Variants in PLEKHG1 observed in about 807,000 individuals in gnomAD.
The protein encoded by PLEKHG1 is pleckstrin homology domain-containing family G member 1.
In PLEKHG1, 44 loss-of-function variants were observed where a neutral mutation model predicts 100.8. The observed-to-expected ratio is 0.44, with a 90% confidence interval of 0.34 to 0.56. The LOEUF (loss-of-function observed/expected upper bound fraction) is 0.56, where lower values mean the gene tolerates loss of function less well. Among genes scored for constraint, PLEKHG1 ranks in the 20% least tolerant of loss-of-function variants. The pLI, the probability that PLEKHG1 is intolerant of heterozygous loss-of-function variation, is 0.01. For missense variants in PLEKHG1, 1,545 were observed against 1,720.9 expected (o/e 0.90, Z 1.81); for synonymous variants, 640 against 662.5 (o/e 0.97, Z 0.52).
chr6:150,717,288 C>T (rs936809254), upstream of PLEKHG1, among the ~76,000 whole-genome samples: 4 of 152,074 alleles, frequency 2.6e-5, no homozygotes, highest in African/African-American at 4.8e-5. Flanking sequence ...AATCCGCCCA[C>T]CTCAGCCTCC....
At chr6:150,653,011 C>T (rs1473217181) in intron 3 of PLEKHG1, among the ~76,000 whole-genome samples, 3 of 152,124 alleles carry the variant, frequency 2.0e-5, no homozygotes, top group Non-Finnish European at 4.4e-5. Flanking sequence ...ACTGGTAAAA[C>T]AATGGTTTTC....
At position 150,754,523 on chromosome 6, in the gene PLEKHG1, C is replaced by G. The variant is rs1173354511; in HGVS notation, c.412-14115C>G. On this transcript the variant is annotated intron_variant, in intron 2 of 15. Transcript: ENST00000358517. ...CAGTAGTCCAGGTGAGAGATGAGAA[C>G]AAGGTCAAGGCAGCGATGAGAGAGA... is the stretch of plus-strand genomic sequence containing the variant. 4.6e-5 allele frequency among the ~76,000 whole-genome samples: 7 copies of G among 151,956 alleles called. No individual in the cohort carries two copies. In the South Asian group the frequency reaches 1.5e-3, roughly 32 times the overall value.
chr6:150,822,526 C>A (rs1477199636), intron 13 of PLEKHG1, among the ~76,000 whole-genome samples: 1 of 152,140 alleles, frequency 6.6e-6, no homozygotes, highest in Admixed American at 6.6e-5. Flanking sequence ...TATAAAAATG[C>A]CCATGCAGTT....
chr6:150,716,083 G>A (rs1399767413), intron 3 of PLEKHG1, among the ~76,000 whole-genome samples: 1 of 139,226 alleles, frequency 7.2e-6, no homozygotes, highest in Non-Finnish European at 1.5e-5. Flanking sequence ...ACTCCAGCCT[G>A]GGCGACAGAG....
At chr6:150,745,664 C>T (rs1228109747) in intron 2 of PLEKHG1, among the ~76,000 whole-genome samples, 7 of 143,810 alleles carry the variant, frequency 4.9e-5, no homozygotes, top group Non-Finnish European at 7.5e-5. Context: ...GCCTGGGTGA[C>T]AGAGCGAGAC....
chr6:150,779,186 G>C (rs968301550), intron 3 of PLEKHG1, among the ~76,000 whole-genome samples: 1 of 151,984 alleles, frequency 6.6e-6, no homozygotes, highest in Non-Finnish European at 1.5e-5. Context: ...TGGTTCTTGA[G>C]TGCCAGGCAT....
intron 7 of PLEKHG1, among the ~76,000 whole-genome samples, chr6:150,806,157 G>A (rs1171011067): frequency 6.7e-6 from 1 of 149,506 alleles, no homozygotes; most frequent in Non-Finnish European, 1.5e-5. Flanking sequence ...TAGGCAGCCA[G>A]AGTGTGGTGT....
chr6:150,723,366 C>T (rs1418591444), intron 1 of PLEKHG1, among the ~76,000 whole-genome samples: 4 of 152,130 alleles, frequency 2.6e-5, no homozygotes, highest in African/African-American at 9.7e-5. Flanking sequence ...TATATGCATT[C>T]CTGTGCACAC....
intron 3 of PLEKHG1, among the ~76,000 whole-genome samples, chr6:150,677,314 A>ACACACACACG (rs1779795457): frequency 6.8e-6 from 1 of 147,340 alleles, no homozygotes; most frequent in Non-Finnish European, 1.5e-5. Flanking sequence ...GCGCGCGCGC[A>ACACACACACG]CACACACCAC....
intron 2 of PLEKHG1, among the ~76,000 whole-genome samples, chr6:150,736,201 C>T (rs1181373368): frequency 6.6e-6 from 1 of 152,166 alleles, no homozygotes; most frequent in East Asian, 1.9e-4. Flanking sequence ...TCTCGTTTGA[C>T]CCAACGGCCA....
At chr6:150,765,804 G>A (rs1397893427) in intron 2 of PLEKHG1, among the ~76,000 whole-genome samples, 1 of 152,142 alleles carries the variant, frequency 6.6e-6, no homozygotes, top group African/African-American at 2.4e-5. Context: ...GATGTACAAA[G>A]TACAAGCACA....
chr6:150,703,321 G>A lies in PLEKHG1; in HGVS notation c.-98-30263G>A, dbSNP rs143290865. Among the ~76,000 whole-genome samples, 526 of 152,196 alleles carry A rather than the reference G, an allele frequency of 3.5e-3. 3 individuals are homozygous for A. The highest frequency in any genetic ancestry group is 0.012 in the African/African-American group (501 of 41,522). On this transcript the variant is annotated intron_variant, in intron 3 of 3. Coordinates refer to the PLEKHG1 transcript ENST00000367326. ...TATTCAGTCCGTTAGAAAAGCTCTT[G>A]TCTGGCTGGGCATGGTGGCCTGTAA...
At position 150,705,936 on chromosome 6, in the gene PLEKHG1, G is replaced by A. The variant is rs928616530; in HGVS notation, c.-98-27648G>A. ...TGATGAACTAATGCCTCTAGGTGCCGTCTTAAATGATCAATGTCAAAATGC... is the reference window on the plus strand; with the variant it reads ...TGATGAACTAATGCCTCTAGGTGCCATCTTAAATGATCAATGTCAAAATGC... On this transcript the variant is annotated intron_variant, in intron 3 of 3. Coordinates refer to the PLEKHG1 transcript ENST00000367326. Among the ~76,000 whole-genome samples the A allele has an allele frequency of 4.6e-5, 7 of 152,108 alleles. 1 individual carries two copies. Among genetic ancestry groups the A allele is most frequent in the Admixed American group, 2.0e-4 (3 of 15,268 alleles).
chr6:150,701,447 A>ATATATG (rs1780777572), intron 3 of PLEKHG1, among the ~76,000 whole-genome samples: 1 of 80,948 alleles, frequency 1.2e-5, no homozygotes, highest in Non-Finnish European at 2.0e-5. Flanking sequence ...ATATATATAT[A>ATATATG]TATATATATA....
intron 3 of PLEKHG1, among the ~76,000 whole-genome samples, chr6:150,680,115 G>A (rs541794641): frequency 1.8e-4 from 27 of 152,194 alleles, no homozygotes; most frequent in Non-Finnish European, 3.5e-4. Context: ...GTAAGGATAG[G>A]GTGACATCAG....
intron 15 of PLEKHG1, among the ~76,000 whole-genome samples, chr6:150,834,518 A>G (rs1268104621): frequency 6.6e-6 from 1 of 152,224 alleles, no homozygotes; most frequent in Non-Finnish European, 1.5e-5. Flanking sequence ...ATCTGTTAAA[A>G]TACAAAGCTC....
intron 1 of PLEKHG1, among the ~76,000 whole-genome samples, chr6:150,637,232 A>G (rs1185996223): frequency 6.6e-6 from 1 of 152,232 alleles, no homozygotes; most frequent in East Asian, 1.9e-4. Flanking sequence ...GAGCCGAGTA[A>G]TAGAATTAGA....
intron 5 of PLEKHG1, among the ~76,000 whole-genome samples, chr6:150,800,204 G>C (rs1264727935): frequency 1.3e-5 from 2 of 152,076 alleles, no homozygotes; most frequent in Non-Finnish European, 2.9e-5. Flanking sequence ...ACCACATAGG[G>C]TCACAGTTTG....
chr6:150,666,232 T>C (rs1046141486), intron 3 of PLEKHG1, among the ~76,000 whole-genome samples: 3 of 152,174 alleles, frequency 2.0e-5, no homozygotes, highest in Non-Finnish European at 2.9e-5. Context: ...TGCAATCCAA[T>C]GGAGTTGTGG....
Sources: gnomAD v4.1 joint callset for allele counts (sites outside exome capture counted in the v4.1 genomes callset) on GRCh38, gnomAD v4.1.1 for gene constraint, MANE v1.5 for transcripts, NCBI Gene and HGNC (gene_info 2026-07-23, HGNC 2026-07-21) for gene names.